Variants in GPATCH2 observed in about 807,000 individuals in gnomAD.
GPATCH2 encodes G-patch domain containing 2.
In GPATCH2, 51 loss-of-function variants were observed where a neutral mutation model predicts 58.0. The ratio of observed to expected loss-of-function variants is 0.88; its 90% CI spans 0.70 to 1.11. The LOEUF (loss-of-function observed/expected upper bound fraction) is 1.11, where lower values mean the gene tolerates loss of function less well. Ranked by LOEUF, GPATCH2 falls within the 50% of genes most tolerant of loss-of-function variation. The pLI, the probability that GPATCH2 is intolerant of heterozygous loss-of-function variation, is 0.00. For missense variants in GPATCH2, 625 were observed against 652.2 expected, an observed-to-expected ratio of 0.96 and a Z score of 0.45; for synonymous variants, 222 against 218.5, an observed-to-expected ratio of 1.02 and a Z score of -0.14.
chr1:217,541,127 T>TAA (rs1664718428), intron 5 of GPATCH2, among the ~76,000 whole-genome samples: 1 of 152,152 alleles, frequency 6.6e-6, no homozygotes, highest in African/African-American at 2.4e-5. Context: ...GTAGGCAAGT[T>TAA]TGGTTAAGGT....
At chr1:217,589,659 T>C (rs1667500295) in intron 5 of GPATCH2, among the ~76,000 whole-genome samples, 1 of 152,134 alleles carries the variant, frequency 6.6e-6, no homozygotes, top group Non-Finnish European at 1.5e-5. Context: ...TTTAAATCTC[T>C]AAAGATAAGA....
intron 1 of GPATCH2, among the ~76,000 whole-genome samples, chr1:217,627,058 T>C (rs998339482): frequency 6.6e-6 from 1 of 152,170 alleles, no homozygotes; most frequent in Admixed American, 6.5e-5. Flanking sequence ...TGGTAGCTAA[T>C]TCCAGTTATA....
At chr1:217,468,363 T>G (rs1660555934) in intron 8 of GPATCH2, among the ~76,000 whole-genome samples, 1 of 152,138 alleles carries the variant, frequency 6.6e-6, no homozygotes, top group African/African-American at 2.4e-5. Flanking sequence ...GTTCTCTAGA[T>G]GTAAATACCA....
chr1:217,578,304 C>G (rs1666906800), intron 5 of GPATCH2, among the ~76,000 whole-genome samples: 1 of 152,146 alleles, frequency 6.6e-6, no homozygotes, highest in Non-Finnish European at 1.5e-5. Context: ...TCATAGCTCA[C>G]TACAGCCTCA....
chr1:217,549,973 CTTT>C (rs1665266206), intron 5 of GPATCH2, among the ~76,000 whole-genome samples: 2 of 152,134 alleles, frequency 1.3e-5, no homozygotes, highest in Non-Finnish European at 2.9e-5. Context: ...CTCATTAGTT[CTTT>C]AACGGGAGAA....
chr1:217,573,981 G>A (rs184175394), intron 5 of GPATCH2, among the ~76,000 whole-genome samples: 28 of 152,268 alleles, frequency 1.8e-4, no homozygotes, highest in South Asian at 8.3e-4. Flanking sequence ...CAGAGAATGA[G>A]AATGGTTTGC....
At chr1:217,475,204 C>T (rs1220624544) in intron 8 of GPATCH2, among the ~76,000 whole-genome samples, 2 of 152,092 alleles carry the variant, frequency 1.3e-5, no homozygotes, top group East Asian at 1.9e-4. Flanking sequence ...TTTGGGACTC[C>T]GAGGTGGGTG....
At chr1:217,617,806 G>A (rs1222326951) in intron 2 of GPATCH2, among the ~76,000 whole-genome samples, 1 of 152,062 alleles carries the variant, frequency 6.6e-6, no homozygotes, top group Non-Finnish European at 1.5e-5. Flanking sequence ...CTCTGAAAAC[G>A]TGTACCTGGG....
At chr1:217,597,043 A>G (rs1163388172) in intron 5 of GPATCH2, among the ~76,000 whole-genome samples, 1 of 152,106 alleles carries the variant, frequency 6.6e-6, no homozygotes, top group African/African-American at 2.4e-5. Flanking sequence ...AAAATATGTC[A>G]ACAGGCCAGG....
chr1:217,441,112 A>C (rs987469919), intron 9 of GPATCH2, among the ~76,000 whole-genome samples: 1 of 152,310 alleles, frequency 6.6e-6, no homozygotes, highest in East Asian at 1.9e-4. Context: ...ACTAGACTGC[A>C]AGGCTACAGT....
chr1:217,430,912 A>T lies in GPATCH2; in HGVS notation c.*233T>A, dbSNP rs931523271. ...AAACGAGCTGCTCTTTATACCTAGA[A>T]ATAGCTGGAAATTACTGAAAAAAAT... is the stretch of plus-strand genomic sequence containing the variant. On this transcript the variant is annotated 3_prime_UTR_variant, in exon 10 of 10. Coordinates refer to ENST00000366935, the MANE Select transcript of GPATCH2 (RefSeq NM_018040.5). The T allele has an allele frequency of 1.8e-6, 1 of 556,014 alleles. No homozygotes were observed. Among genetic ancestry groups the T allele is most frequent in the Non-Finnish European group, 3.2e-6 (1 of 313,104 alleles). 34.4% of individuals were successfully genotyped at this position (556,014 alleles called of 1,614,324 possible). A position where few individuals can be genotyped will look rare whatever the true frequency, so the allele number is the denominator to read the frequency against.
chr1:217,515,801 A>T (rs927987790), intron 5 of GPATCH2, among the ~76,000 whole-genome samples: 5 of 105,856 alleles, frequency 4.7e-5, no homozygotes, highest in African/African-American at 1.4e-4. Context: ...TTATTACATA[A>T]AAAAAAAAGT....
At chr1:217,476,235 AGTGTGTGTGTGTGT>A (rs60995546) in intron 8 of GPATCH2, among the ~76,000 whole-genome samples, 8 of 146,286 alleles carry the variant, frequency 5.5e-5, no homozygotes, top group African/African-American at 1.8e-4. Context: ...TCCAGATATG[AGTGTGTGTGTGTGT>A]GTGTGTGTGT....
intron 5 of GPATCH2, among the ~76,000 whole-genome samples, chr1:217,562,036 T>C (rs12036579): frequency 0.018 from 2,717 of 152,254 alleles, 83 homozygotes; most frequent in East Asian, 0.15. Context: ...TTCTCCTTTC[T>C]ACCACCAAAG....
rs1201779454 is a variant in GPATCH2, at chr1:217,427,405, T to G, written c.*3740A>C. 1 of 152,192 alleles carries G rather than the reference T, an allele frequency of 6.6e-6. No homozygotes were observed. The highest frequency in any genetic ancestry group is 1.5e-5 in the Non-Finnish European group (1 of 68,016). The allele number at this position is 152,192 out of a possible 1,614,324, so 9.4% of individuals were successfully genotyped here. On this transcript the variant is annotated 3_prime_UTR_variant, in exon 10 of 10. Transcript: ENST00000366935. ...TTTTCGCTGAACTTAACTGCACTAT[T>G]AAATGATAATTGTCAATGGGTACTC...
chr1:217,498,125 G>A, intron 7 of GPATCH2: 1 of 605,262 alleles, frequency 1.7e-6, no homozygotes, highest in Admixed American at 2.9e-5. Context: ...TTCCATGGAG[G>A]TCACAAGTAT....
chr1:217,491,576 G>C, intron 8 of GPATCH2, 104 bp downstream of exon 8: 1 of 519,342 alleles, frequency 1.9e-6, no homozygotes, highest in Non-Finnish European at 3.5e-6. Context: ...ATATTTTAAG[G>C]TGACTTTTTA....
chr1:217,599,372 G>A (rs1285589022), intron 5 of GPATCH2, among the ~76,000 whole-genome samples: 2 of 151,994 alleles, frequency 1.3e-5, no homozygotes, highest in East Asian at 3.9e-4. Flanking sequence ...AAAATGTAAG[G>A]CTATGAGATA....
At chr1:217,532,879 T>A (rs533196332) in intron 5 of GPATCH2, among the ~76,000 whole-genome samples, 1 of 79,006 alleles carries the variant, frequency 1.3e-5, no homozygotes, top group African/African-American at 4.5e-5. Context: ...CTCTTTATCT[T>A]TTTTTTGTTT....
Sources: allele counts gnomAD v4.1 joint callset (sites outside exome capture counted in the v4.1 genomes callset), GRCh38; gene constraint gnomAD v4.1.1; transcripts MANE v1.5; gene names NCBI Gene and HGNC (gene_info 2026-07-23, HGNC 2026-07-21).